FARP1: variants seen among roughly 807,000 people sequenced by gnomAD.
The protein encoded by FARP1 is FERM, ARH/RhoGEF and pleckstrin domain protein 1, also known as FERM, ARHGEF and pleckstrin domain-containing protein 1.
Under a neutral mutation model 128.8 loss-of-function variants are expected in FARP1, and 52 were observed. The observed-to-expected ratio is 0.40, with a 90% CI of 0.32 to 0.51. FARP1 has a LOEUF of 0.51. FARP1 is among the 20% of genes least tolerant of loss of function. The pLI is 0.45. For synonymous variants in FARP1, 580 were observed against 551.8 expected, an observed-to-expected ratio of 1.05 and a Z score of -0.72; for missense variants, 1,333 against 1,367.9, an observed-to-expected ratio of 0.97 and a Z score of 0.40.
chr13:98,306,377 G>A (rs993487991), intron 2 of FARP1, among the ~76,000 whole-genome samples: 5 of 152,204 alleles, frequency 3.3e-5, no homozygotes, highest in Non-Finnish European at 2.9e-5. Flanking sequence ...CCCTGTGCTA[G>A]ACACTTTACA....
chr13:98,210,871 C>T (rs1391925114), intron 1 of FARP1, among the ~76,000 whole-genome samples: 1 of 152,202 alleles, frequency 6.6e-6, no homozygotes, highest in Non-Finnish European at 1.5e-5. Context: ...TTTACCTCCT[C>T]TTGGTAGCTA....
At chr13:98,335,217 C>T (rs1035923499) in intron 2 of FARP1, among the ~76,000 whole-genome samples, 1 of 152,172 alleles carries the variant, frequency 6.6e-6, no homozygotes, top group Admixed American at 6.6e-5. Flanking sequence ...GGAAGTAGTC[C>T]ATTTTCACAC....
intron 2 of FARP1, among the ~76,000 whole-genome samples, chr13:98,237,743 A>G (rs1264725260): frequency 6.6e-6 from 1 of 152,198 alleles, no homozygotes; most frequent in East Asian, 1.9e-4. Flanking sequence ...AAAAAGTTGA[A>G]TTGCTTGATA....
chr13:98,175,709 A>G, intron 1 of FARP1: 1 of 164,022 alleles, frequency 6.1e-6, no homozygotes, highest in Admixed American at 5.9e-5. Context: ...ACCCCTGACA[A>G]CCACCATTCG....
intron 17 of FARP1, among the ~76,000 whole-genome samples, chr13:98,425,215 A>G (rs1309315790): frequency 6.6e-6 from 1 of 152,152 alleles, no homozygotes; most frequent in Non-Finnish European, 1.5e-5. Context: ...AAAAAAAAAA[A>G]AGATGTGGAC....
chr13:98,151,946 G>GCCA (rs1336659245), intron 1 of FARP1, among the ~76,000 whole-genome samples: 6 of 152,058 alleles, frequency 3.9e-5, no homozygotes, highest in African/African-American at 4.8e-5. Flanking sequence ...ACAGGTGTGA[G>GCCA]CCACCACGCC....
chr13:98,369,868 G>A (rs965950419), intron 5 of FARP1, among the ~76,000 whole-genome samples: 5 of 152,160 alleles, frequency 3.3e-5, no homozygotes, highest in African/African-American at 1.2e-4. Context: ...ATCCCTCTCA[G>A]TACAGAGCAC....
At chr13:98,341,840 C>A (rs1219797548) in intron 2 of FARP1, among the ~76,000 whole-genome samples, 1 of 152,096 alleles carries the variant, frequency 6.6e-6, no homozygotes, top group Non-Finnish European at 1.5e-5. Context: ...ATATAATATT[C>A]CCTTTCCCTA....
chr13:98,310,645 G>C (rs1318599849), intron 2 of FARP1, among the ~76,000 whole-genome samples: 1 of 152,176 alleles, frequency 6.6e-6, no homozygotes, highest in Non-Finnish European at 1.5e-5. Context: ...GATGAAACTC[G>C]TGGGCTGTCC....
chr13:98,349,619 C>T (rs1185429659), intron 3 of FARP1, among the ~76,000 whole-genome samples: 2 of 135,008 alleles, frequency 1.5e-5, no homozygotes, highest in African/African-American at 2.8e-5. Flanking sequence ...TGCAGTGAGC[C>T]GAGATCGCAC....
intron 1 of FARP1, among the ~76,000 whole-genome samples, chr13:98,193,303 G>A (rs773024411): frequency 3.9e-4 from 59 of 152,098 alleles, no homozygotes; most frequent in Non-Finnish European, 7.4e-4. Context: ...TGATCCACCC[G>A]CCTCGGCCTC....
intron 24 of FARP1, among the ~76,000 whole-genome samples, chr13:98,443,860 C>CA (rs1341406597): frequency 1.3e-5 from 2 of 151,916 alleles, no homozygotes; most frequent in South Asian, 2.1e-4. Flanking sequence ...AGGGAAGGGA[C>CA]GGGGTGCAGA....
chr13:98,151,358 C>G (rs1227053277), intron 1 of FARP1, among the ~76,000 whole-genome samples: 1 of 152,090 alleles, frequency 6.6e-6, no homozygotes, highest in Non-Finnish European at 1.5e-5. Flanking sequence ...GGAATGTAAA[C>G]CATCTGGAGA....
chr13:98,414,865 C>T (rs970912701), intron 16 of FARP1, among the ~76,000 whole-genome samples: 1 of 152,164 alleles, frequency 6.6e-6, no homozygotes, highest in African/African-American at 2.4e-5. Context: ...AGAGACTTTC[C>T]AAAGCATGAT....
intron 1 of FARP1, among the ~76,000 whole-genome samples, chr13:98,169,917 A>G (rs1877533876): frequency 6.6e-6 from 1 of 152,078 alleles, no homozygotes; most frequent in Admixed American, 6.6e-5. Flanking sequence ...ATATTATTTG[A>G]TTATTAGGGC....
chr13:98,379,214 AATATATAATCTATCTATATATAATCT>A (rs1314664749), intron 6 of FARP1, among the ~76,000 whole-genome samples: 8 of 70,850 alleles, frequency 1.1e-4, no homozygotes, highest in Middle Eastern at 5.2e-3. Flanking sequence ...TATAATATAT[AATATATAATCTATCTATATATAATCT>A]ATATATAATC....
At chr13:98,419,205 G>A (rs1161033287) in intron 16 of FARP1, among the ~76,000 whole-genome samples, 1 of 152,156 alleles carries the variant, frequency 6.6e-6, no homozygotes, top group African/African-American at 2.4e-5. Flanking sequence ...CAGGCACAGT[G>A]GCTCACGCCT....
intron 1 of FARP1, among the ~76,000 whole-genome samples, chr13:98,198,119 A>C (rs1879692119): frequency 6.6e-6 from 1 of 152,192 alleles, no homozygotes; most frequent in Admixed American, 6.5e-5. Flanking sequence ...GAGGCAAGTT[A>C]TCTCTCTGAT....
intron 2 of FARP1, chr13:98,341,051 C>G (rs1176459873): frequency 7.3e-6 from 1 of 137,836 alleles, no homozygotes; most frequent in Non-Finnish European, 1.6e-5. Context: ...CATTTAAGAT[C>G]TAGAGCCTGG....
Sources: allele counts gnomAD v4.1 joint callset (sites outside exome capture counted in the v4.1 genomes callset), GRCh38; gene constraint gnomAD v4.1.1; transcripts MANE v1.5; gene names NCBI Gene and HGNC (gene_info 2026-07-23, HGNC 2026-07-21).